The following MAP7 variants were observed in gnomAD, a reference collection of about 807,000 sequenced individuals.
MAP7 encodes the protein microtubule associated protein 7, also known as ensconsin.
In MAP7, 52 loss-of-function variants were observed where a neutral mutation model predicts 94.8. The ratio of observed to expected loss-of-function variants is 0.55; its 90% CI spans 0.44 to 0.69. The LOEUF is 0.69. Among genes scored for constraint, MAP7 ranks in the 30% least tolerant of loss-of-function variants. MAP7 has a pLI of 0.00. For missense variants in MAP7, 940 were observed against 964.6 expected (o/e 0.97, Z 0.34); for synonymous variants, 350 against 357.0 (o/e 0.98, Z 0.22).
intron 1 of MAP7, among the ~76,000 whole-genome samples, chr6:136,534,585 C>T (rs1828731333): frequency 6.6e-6 from 1 of 152,162 alleles, no homozygotes; most frequent in Non-Finnish European, 1.5e-5. Context: ...AAGTCAAAGG[C>T]TTATGTATCA....
At chr6:136,529,546 A>T (rs1002888205) in intron 1 of MAP7, among the ~76,000 whole-genome samples, 1 of 152,198 alleles carries the variant, frequency 6.6e-6, no homozygotes, top group Non-Finnish European at 1.5e-5. Context: ...CAGCCCTCCA[A>T]CAATCAGTAA....
chr6:136,482,980 C>T (rs1201626138), intron 1 of MAP7, among the ~76,000 whole-genome samples: 1 of 151,982 alleles, frequency 6.6e-6, no homozygotes. Context: ...TCATTCTGTA[C>T]AAGTTTTCCA....
At chr6:136,548,097 ACC>A (rs1250343885) in intron 1 of MAP7, among the ~76,000 whole-genome samples, 94 of 44,876 alleles carry the variant, frequency 2.1e-3, no homozygotes, top group African/African-American at 6.4e-3. Context: ...CACCACCACC[ACC>A]CCCCCCCACC....
intron 6 of MAP7, among the ~76,000 whole-genome samples, chr6:136,383,322 G>C (rs1778307998): frequency 6.6e-6 from 1 of 152,218 alleles, no homozygotes; most frequent in South Asian, 2.1e-4. Context: ...AAAAGCCAAA[G>C]ACAGTATGAT....
chr6:136,349,193 ACTCT>A, intron 16 of MAP7, among the ~76,000 whole-genome samples: 1 of 152,244 alleles, frequency 6.6e-6, no homozygotes, highest in East Asian at 1.9e-4. Context: ...CTCCACAAGT[ACTCT>A]CTCTTAAGAA....
chr6:136,381,915 CACACAGAGAG>C (rs1172990581), intron 6 of MAP7, among the ~76,000 whole-genome samples: 100 of 145,906 alleles, frequency 6.9e-4, no homozygotes, highest in Admixed American at 4.7e-3. Context: ...CACACACACA[CACACAGAGAG>C]AGAGAGAGAG....
chr6:136,479,705 T>C (rs1349421071), intron 1 of MAP7, among the ~76,000 whole-genome samples: 1 of 152,132 alleles, frequency 6.6e-6, no homozygotes, highest in African/African-American at 2.4e-5. Flanking sequence ...AGCATTTCCA[T>C]ACACCAACAG....
At chr6:136,422,927 C>G (rs1330122413) in intron 1 of MAP7, among the ~76,000 whole-genome samples, 1 of 152,192 alleles carries the variant, frequency 6.6e-6, no homozygotes, top group Non-Finnish European at 1.5e-5. Context: ...AAGACACAGA[C>G]AGACCTGGGT....
In MAP7 at chr6:136,362,472, T is replaced by A; in HGVS notation, c.1504A>T (p.Arg502Trp). ...EQREKEERER[R>W]EQEELERQKR... Reference sequence around the variant, plus strand: ...TACCTTTCAAGCTCTTCCTGCTCCCTCCTCTCCCTTTCTTCCTTTTCTCTC... The same window carrying A: ...TACCTTTCAAGCTCTTCCTGCTCCCACCTCTCCCTTTCTTCCTTTTCTCTC... The change falls in exon 11 of 18, where the codon AGG becomes TGG. Residue 502 changes from arginine (R) to tryptophan (W), a missense_variant. By Grantham distance (101) the Arg-to-Trp change is moderately radical (BLOSUM62 -3). Transcript: ENST00000354570. 1.2e-6 allele frequency: 2 copies of A among 1,614,146 alleles called. No individual in the cohort carries two copies. Among genetic ancestry groups the A allele is most frequent in the African/African-American group, 2.7e-5 (2 of 75,060 alleles).
At chr6:136,430,085 T>C (rs567468033) in intron 1 of MAP7, among the ~76,000 whole-genome samples, 10 of 152,334 alleles carry the variant, frequency 6.6e-5, no homozygotes, top group African/African-American at 2.4e-4. Flanking sequence ...ACTGTAGTTA[T>C]CCATCTATAT....
chr6:136,507,860 G>A (rs1822047833), intron 1 of MAP7, among the ~76,000 whole-genome samples: 1 of 152,166 alleles, frequency 6.6e-6, no homozygotes, highest in Admixed American at 6.6e-5. Flanking sequence ...AATGGGCTCT[G>A]GACTGGCTCC....
chr6:136,360,792 C>T lies in MAP7; in HGVS notation c.1708G>A (p.Glu570Lys). 6.2e-7 allele frequency: 1 copy of T among 1,613,938 alleles called. No homozygotes were observed. The highest frequency in any genetic ancestry group is 1.1e-5 in the South Asian group (1 of 91,088). ...EAERAQRQKE[E>K]EARVREEAER... ...GCTTCTTCACGAACGCGAGCTTCTTCTTCTTTCTGAAAACAGAAGGTCGGC... is the reference window on the plus strand; with the variant it reads ...GCTTCTTCACGAACGCGAGCTTCTTTTTCTTTCTGAAAACAGAAGGTCGGC... Residue 570 changes from glutamate (E) to lysine (K), a missense_variant, in exon 13 of 18, where the codon GAA becomes AAA. Physicochemically the swap from Glu to Lys is moderately conservative, Grantham distance 56. Coordinates refer to ENST00000354570, the MANE Select transcript of MAP7 (RefSeq NM_003980.6).
intron 1 of MAP7, chr6:136,476,007 T>C (rs1386875808): frequency 6.6e-6 from 1 of 152,224 alleles, no homozygotes; most frequent in East Asian, 1.9e-4. Flanking sequence ...ACTCTTTCTC[T>C]GCCTAGATAC....
At position 136,550,362 on chromosome 6, in the gene MAP7, C is replaced by T; in HGVS notation, c.47G>A (p.Gly16Asp). ...GTCACCTGTTTCGCTTCGCACTGCGCCGTCGCCGCCCCTGTGGCCGTCGCC... is the reference window on the plus strand; with the variant it reads ...GTCACCTGTTTCGCTTCGCACTGCGTCGTCGCCGCCCCTGTGGCCGTCGCC... ...AGGDGHRGGD[G>D]AVRSETAPDS... The change falls in exon 1 of 18, where the codon GGC becomes GAC. Residue 16 changes from glycine to aspartate, a missense_variant. Physicochemically the swap from Gly to Asp is moderately conservative, Grantham distance 94 (BLOSUM62 -1). Transcript: ENST00000354570. The surrounding 1 kb of genome is among the most constrained non-coding windows in gnomAD (Gnocchi z 5.1). 1 of 1,529,140 alleles carries T rather than the reference C, an allele frequency of 6.5e-7. No individual in the cohort carries two copies. Among genetic ancestry groups the T allele is most frequent in the Non-Finnish European group, 8.7e-7 (1 of 1,146,460 alleles). 94.7% of individuals were successfully genotyped at this position (1,529,140 alleles called of 1,614,324 possible). A position where few individuals can be genotyped will look rare whatever the true frequency, so the allele number is the denominator to read the frequency against.
chr6:136,462,954 C>A (rs1279486787), intron 1 of MAP7, among the ~76,000 whole-genome samples: 500 of 124,664 alleles, frequency 4.0e-3, no homozygotes, highest in South Asian at 4.6e-3. Context: ...GATCCTATCT[C>A]AAAAAAAAAA....
chr6:136,420,104 T>C (rs764414537), intron 2 of MAP7: 32 of 859,592 alleles, frequency 3.7e-5, no homozygotes, highest in Non-Finnish European at 5.8e-5. Context: ...AAGGAAATTA[T>C]AAATGCTTTG....
intron 3 of MAP7, among the ~76,000 whole-genome samples, chr6:136,389,848 T>C (rs949894409): frequency 3.3e-5 from 5 of 152,198 alleles, no homozygotes; most frequent in Admixed American, 6.5e-5. Flanking sequence ...AATAGTACCA[T>C]CTGTCTCTTT....
chr6:136,474,368 G>A (rs1810134609), intron 1 of MAP7, among the ~76,000 whole-genome samples: 2 of 152,190 alleles, frequency 1.3e-5, no homozygotes, highest in African/African-American at 2.4e-5. Context: ...GCAGGGGCGA[G>A]TGTAGAGCAG....
At chr6:136,458,148 C>T (rs952683171) in intron 1 of MAP7, among the ~76,000 whole-genome samples, 2 of 152,004 alleles carry the variant, frequency 1.3e-5, no homozygotes, top group Non-Finnish European at 2.9e-5. Flanking sequence ...AACAAACTAT[C>T]CAAAAGGGAA....
Sources: gnomAD v4.1 joint callset for allele counts (sites outside exome capture counted in the v4.1 genomes callset) on GRCh38, gnomAD v4.1.1 for gene constraint, Gnocchi (gnomAD v3.1) non-coding constraint, MANE v1.5 for transcripts, NCBI Gene and HGNC (gene_info 2026-07-23, HGNC 2026-07-21) for gene names.